DLGAP2: variants seen among roughly 807,000 people sequenced by gnomAD.
DLGAP2 encodes the protein disks large-associated protein 2.
Under a neutral mutation model 100.3 loss-of-function variants are expected in DLGAP2, and 26 were observed. That is an observed-to-expected ratio of 0.26 (90% CI 0.19 to 0.36). The LOEUF is 0.36. DLGAP2 is among the 10% of genes least tolerant of loss of function. DLGAP2 has a pLI of 1.00. For missense variants in DLGAP2, 1,858 were observed against 1,453.2 expected (o/e 1.28, Z -4.53); for synonymous variants, 886 against 630.1 (o/e 1.41, Z -6.08).
chr8:1,080,395 G>A (rs17065671), intron 2 of DLGAP2, among the ~76,000 whole-genome samples: 3,913 of 152,324 alleles, frequency 0.026, 147 homozygotes, highest in African/African-American at 0.09. Flanking sequence ...TGTGCGTTAC[G>A]AAGGGATGCT....
At chr8:1,535,818 G>T (rs1801137021) in intron 4 of DLGAP2, among the ~76,000 whole-genome samples, 1 of 152,168 alleles carries the variant, frequency 6.6e-6, no homozygotes, top group South Asian at 2.1e-4. Flanking sequence ...GGCATTGAAG[G>T]CAGACAGTGG....
At chr8:846,043 A>G (rs548402352) in intron 1 of DLGAP2, among the ~76,000 whole-genome samples, 15 of 152,358 alleles carry the variant, frequency 9.8e-5, no homozygotes, top group African/African-American at 3.1e-4. Flanking sequence ...ACGGAGTACA[A>G]TGTGATGTTT....
chr8:1,513,844 C>A (rs1334396821), intron 4 of DLGAP2, among the ~76,000 whole-genome samples: 1 of 139,878 alleles, frequency 7.1e-6, no homozygotes, highest in Non-Finnish European at 1.6e-5. Context: ...AAACATCCTT[C>A]TTCCAGACAA....
chr8:1,222,531 G>A (rs1798335543), intron 2 of DLGAP2, among the ~76,000 whole-genome samples: 1 of 152,150 alleles, frequency 6.6e-6, no homozygotes, highest in African/African-American at 2.4e-5. Context: ...CTCTTGCAGA[G>A]TGATGGTAAG....
chr8:1,577,295 G>A (rs1324466736), intron 6 of DLGAP2, among the ~76,000 whole-genome samples: 2 of 152,156 alleles, frequency 1.3e-5, no homozygotes, highest in Admixed American at 6.5e-5. Flanking sequence ...GGGGCTGGGC[G>A]CGGTGGCTCA....
At chr8:1,263,829 A>G (rs1738749527) in intron 3 of DLGAP2, among the ~76,000 whole-genome samples, 1 of 152,176 alleles carries the variant, frequency 6.6e-6, no homozygotes, top group African/African-American at 2.4e-5. Context: ...CTCTGAGACC[A>G]CAGCTCTTTA....
intron 6 of DLGAP2, among the ~76,000 whole-genome samples, chr8:1,591,393 G>T (rs1268013633): frequency 6.6e-6 from 1 of 152,148 alleles, no homozygotes; most frequent in Non-Finnish European, 1.5e-5. Context: ...GGGCCCTCCT[G>T]GTCTCTGGTC....
chr8:1,269,352 G>T (rs1799533089), intron 3 of DLGAP2, among the ~76,000 whole-genome samples: 1 of 152,192 alleles, frequency 6.6e-6, no homozygotes, highest in African/African-American at 2.4e-5. Context: ...CTGCTGGAAA[G>T]ACCGCCCCGT....
chr8:1,044,646 C>G (rs1802467258), intron 2 of DLGAP2, among the ~76,000 whole-genome samples: 1 of 152,232 alleles, frequency 6.6e-6, no homozygotes, highest in African/African-American at 2.4e-5. Flanking sequence ...CATCCTTTCT[C>G]AGTAGATGAC....
At chr8:1,245,738 C>T (rs28582003) in intron 2 of DLGAP2, among the ~76,000 whole-genome samples, 30,471 of 152,062 alleles carry the variant, frequency 0.2, 3,116 homozygotes, top group Middle Eastern at 0.23. Flanking sequence ...TGAATGATAT[C>T]TGAATAAAGC....
At chr8:984,101 G>A (rs1445069523) in intron 2 of DLGAP2, among the ~76,000 whole-genome samples, 6 of 152,126 alleles carry the variant, frequency 3.9e-5, no homozygotes, top group African/African-American at 9.7e-5. Context: ...TCCCTACCTC[G>A]TAGCAGGAAA....
At chr8:1,479,198 G>T (rs1015816478) in intron 3 of DLGAP2, among the ~76,000 whole-genome samples, 2 of 152,210 alleles carry the variant, frequency 1.3e-5, no homozygotes, top group Non-Finnish European at 2.9e-5. Context: ...TCTGGAGTCA[G>T]TCAGGTCTAA....
At chr8:1,281,078 C>T (rs994953367) in intron 3 of DLGAP2, among the ~76,000 whole-genome samples, 9 of 152,202 alleles carry the variant, frequency 5.9e-5, no homozygotes, top group Non-Finnish European at 8.8e-5. Flanking sequence ...TCAGAGAATG[C>T]TGTAGGTTTC....
intron 2 of DLGAP2, among the ~76,000 whole-genome samples, chr8:1,227,143 G>A (rs1039791001): frequency 5.3e-4 from 28 of 53,236 alleles, no homozygotes; most frequent in African/African-American, 4.2e-3. Context: ...AATGGGTAAG[G>A]AAACTGTGAG....
chr8:1,037,389 C>T (rs182057067), intron 2 of DLGAP2, among the ~76,000 whole-genome samples: 7 of 152,244 alleles, frequency 4.6e-5, no homozygotes, highest in South Asian at 2.1e-4. Context: ...GGGCTTCCCT[C>T]GGTGTTATCA....
chr8:1,164,543 G>T (rs1219691429), intron 2 of DLGAP2, among the ~76,000 whole-genome samples: 1 of 152,116 alleles, frequency 6.6e-6, no homozygotes, highest in Non-Finnish European at 1.5e-5. Context: ...CTTCCCGGTG[G>T]TGCCACGGAT....
intron 3 of DLGAP2, among the ~76,000 whole-genome samples, chr8:1,493,452 C>T (rs750581405): frequency 1.3e-5 from 2 of 152,158 alleles, no homozygotes; most frequent in African/African-American, 4.8e-5. Flanking sequence ...CACGCCTCTG[C>T]GAGCCCAGTG....
rs571386186 is a variant in DLGAP2, at chr8:1,558,619, C to T, written c.1231-7064C>T. Among the ~76,000 whole-genome samples the T allele has an allele frequency of 2.0e-5, 3 of 151,896 alleles. No homozygotes were observed. The South Asian group carries it at 6.3e-4, about 32-fold the overall frequency. Reference sequence around the variant, plus strand: ...GCACACCCATATGCCTGCACACACACATACACATATGTGCACATTACACAT... The same window carrying T: ...GCACACCCATATGCCTGCACACACATATACACATATGTGCACATTACACAT... On this transcript the variant is annotated intron_variant, in intron 5 of 14. Transcript: ENST00000637795.
chr8:1,457,687 T>G (rs540626340), intron 3 of DLGAP2, among the ~76,000 whole-genome samples: 1 of 152,152 alleles, frequency 6.6e-6, no homozygotes, highest in Admixed American at 6.5e-5. Flanking sequence ...TTCTCTTCCC[T>G]CTAATGCAAA....
Sources: allele counts gnomAD v4.1 joint callset (sites outside exome capture counted in the v4.1 genomes callset), GRCh38; gene constraint gnomAD v4.1.1; transcripts MANE v1.5; gene names NCBI Gene and HGNC (gene_info 2026-07-23, HGNC 2026-07-21).